The following BLTP3A variants were observed in gnomAD, a reference collection of about 807,000 sequenced individuals.
The protein encoded by BLTP3A is ICBP90 binding protein 1.
At chr6:34,802,481 C>G in the BLTP3A span, among the ~76,000 whole-genome samples, 1 of 151,784 alleles carries the variant, frequency 6.6e-6, no homozygotes, top group Non-Finnish European at 1.5e-5. Flanking sequence ...GCGATTCTCC[C>G]GCCTCAGCCT....
chr6:34,863,061 A>G, the BLTP3A span, among the ~76,000 whole-genome samples: 4 of 151,874 alleles, frequency 2.6e-5, no homozygotes, highest in Non-Finnish European at 4.4e-5. Context: ...GCGCACCATC[A>G]TGCCTGGCTA....
chr6:34,837,884 T>C, the BLTP3A span, among the ~76,000 whole-genome samples: 1 of 152,316 alleles, frequency 6.6e-6, no homozygotes, highest in East Asian at 1.9e-4. Context: ...TGGGTATTTT[T>C]TGGTTTGATT....
At chr6:34,837,474 G>T in the BLTP3A span, among the ~76,000 whole-genome samples, 2 of 151,586 alleles carry the variant, frequency 1.3e-5, no homozygotes, top group African/African-American at 4.9e-5. Context: ...GCTTAAGCCC[G>T]GGAGTTTGAG....
the BLTP3A span, chr6:34,873,899 C>T: frequency 6.5e-6 from 1 of 152,780 alleles, no homozygotes; most frequent in South Asian, 2.1e-4. Context: ...TTTGTTCCTT[C>T]TCCACTCTCA....
chr6:34,803,201 G>T, the BLTP3A span, among the ~76,000 whole-genome samples: 1 of 150,616 alleles, frequency 6.6e-6, no homozygotes, highest in Non-Finnish European at 1.5e-5. Flanking sequence ...AAAAAATAAT[G>T]ATTTTAGTAA....
the BLTP3A span, among the ~76,000 whole-genome samples, chr6:34,862,572 C>T: frequency 3.9e-5 from 6 of 152,016 alleles, no homozygotes; most frequent in African/African-American, 7.2e-5. Flanking sequence ...CGGTGGCTCA[C>T]GCCTGTAATC....
At chr6:34,819,615 T>C in the BLTP3A span, among the ~76,000 whole-genome samples, 2 of 152,140 alleles carry the variant, frequency 1.3e-5, no homozygotes, top group African/African-American at 4.8e-5. Flanking sequence ...GACACTGTCA[T>C]ATGATTATGA....
the BLTP3A span, among the ~76,000 whole-genome samples, chr6:34,824,203 A>G: frequency 6.6e-6 from 1 of 152,070 alleles, no homozygotes; most frequent in Non-Finnish European, 1.5e-5. Context: ...TTTAACAGAC[A>G]AGGCCTGGAA....
the BLTP3A span, among the ~76,000 whole-genome samples, chr6:34,845,158 C>T: frequency 6.6e-6 from 1 of 152,104 alleles, no homozygotes; most frequent in Non-Finnish European, 1.5e-5. Flanking sequence ...GTAATGAGTT[C>T]ACTGTAGATA....
chr6:34,859,130 G>A, the BLTP3A span: 4 of 1,614,136 alleles, frequency 2.5e-6, no homozygotes, highest in South Asian at 4.4e-5. Flanking sequence ...TCAGACCAGG[G>A]CCCAGCAAGC....
chr6:34,867,690 A>G, the BLTP3A span: 1 of 1,515,512 alleles, frequency 6.6e-7, no homozygotes, highest in South Asian at 1.3e-5. Flanking sequence ...TGTACTTGTC[A>G]CTGTGCTCTA....
chr6:34,821,160 A>C, the BLTP3A span, among the ~76,000 whole-genome samples: 1 of 150,608 alleles, frequency 6.6e-6, no homozygotes, highest in African/African-American at 2.4e-5. Context: ...TTCTCCATGT[A>C]GGTCAGGCTG....
At chr6:34,796,953 T>G in the BLTP3A span, among the ~76,000 whole-genome samples, 1 of 152,230 alleles carries the variant, frequency 6.6e-6, no homozygotes, top group African/African-American at 2.4e-5. Context: ...TCCGCCTGCC[T>G]TGGCCTCCCA....
chr6:34,834,122 G>A, the BLTP3A span: 1 of 1,314,002 alleles, frequency 7.6e-7, no homozygotes, highest in South Asian at 1.4e-5. Context: ...AAAGACTACT[G>A]TATTATCATT....
At chr6:34,834,546 G>A in the BLTP3A span, 3 of 1,369,040 alleles carry the variant, frequency 2.2e-6, no homozygotes, top group South Asian at 2.8e-5. Context: ...TCTGTCCAGT[G>A]TTACTGCTAC....
the BLTP3A span, among the ~76,000 whole-genome samples, chr6:34,841,220 C>G: frequency 1.3e-5 from 2 of 152,138 alleles, no homozygotes; most frequent in African/African-American, 2.4e-5. Flanking sequence ...GCACCCACCA[C>G]CACGCCTGGT....
At chr6:34,801,292 G>GAAATAGTGACGTAATGTT in the BLTP3A span, among the ~76,000 whole-genome samples, 1 of 152,124 alleles carries the variant, frequency 6.6e-6, no homozygotes, top group African/African-American at 2.4e-5. Flanking sequence ...TAGTCCAATA[G>GAAATAGTGACGTAATGTT]AAATAGTGAC....
At chr6:34,835,905 G>A in the BLTP3A span, among the ~76,000 whole-genome samples, 15 of 152,302 alleles carry the variant, frequency 9.8e-5, no homozygotes, top group East Asian at 2.5e-3. Context: ...CCTGGTGGGC[G>A]AGAGCTGGGA....
chr6:34,828,305 G>A, the BLTP3A span, among the ~76,000 whole-genome samples: 2 of 151,810 alleles, frequency 1.3e-5, no homozygotes, highest in African/African-American at 4.8e-5. Flanking sequence ...ACAAAAATTA[G>A]CCGTGCATGG....
Sources: gnomAD v4.1 joint callset for allele counts (sites outside exome capture counted in the v4.1 genomes callset) on GRCh38, gnomAD v4.1.1 for gene constraint, MANE v1.5 for transcripts, NCBI Gene and HGNC (gene_info 2026-07-23, HGNC 2026-07-21) for gene names.